The following GET1 variants were observed in gnomAD, a reference collection of about 807,000 sequenced individuals.
GET1 encodes guided entry of tail-anchored proteins factor 1.
In GET1, 20 loss-of-function variants were observed where a neutral mutation model predicts 22.6. That is an observed-to-expected ratio of 0.89 (90% CI 0.62 to 1.29). GET1 has a LOEUF of 1.29. Ranked by LOEUF, GET1 falls within the 50% of genes most tolerant of loss-of-function variation. The pLI is 0.00. For missense variants in GET1, 209 were observed against 219.9 expected (o/e 0.95, Z 0.31); for synonymous variants, 92 against 83.8 (o/e 1.10, Z -0.53).
At chr21:39,417,958 G>C (rs1341571735) in intron 1 of GET1, among the ~76,000 whole-genome samples, 1 of 152,048 alleles carries the variant, frequency 6.6e-6, no homozygotes, top group Non-Finnish European at 1.5e-5. Context: ...AGTAGAGATG[G>C]GGTTTCGCCG....
At chr21:39,387,686 CACA>C in intron 1 of GET1, 1 of 636,336 alleles carries the variant, frequency 1.6e-6, no homozygotes, top group Non-Finnish European at 1.9e-6. Context: ...CCCTACTCCC[CACA>C]CTCCCCCCCC....
chr21:39,410,719 C>T, downstream of GET1: 2 of 398,830 alleles, frequency 5.0e-6, no homozygotes, highest in Admixed American at 6.3e-5. Flanking sequence ...TCTTGATTAT[C>T]AGTGGTTAGA....
At chr21:39,398,634 A>G (rs2038760872), downstream of GET1, among the ~76,000 whole-genome samples, 1 of 129,380 alleles carries the variant, frequency 7.7e-6, no homozygotes, top group Non-Finnish European at 1.6e-5. Context: ...TTTTTTTGAG[A>G]TGGGAGTCTT....
intron 1 of GET1, chr21:39,381,019 GC>G: frequency 1.1e-6 from 1 of 904,172 alleles, no homozygotes; most frequent in Non-Finnish European, 1.3e-6. Flanking sequence ...CTCTCTTTCT[GC>G]CAGGTAGTGA....
chr21:39,381,047 T>A lies in GET1; in HGVS notation c.102+561T>A, dbSNP rs1168961335. 4.1e-5 allele frequency: 30 copies of A among 723,876 alleles called. No homozygotes were observed. In the East Asian group the frequency reaches 5.2e-4, roughly 13 times the overall value. The allele number at this position is 723,876 out of a possible 1,614,324, so 44.8% of individuals were successfully genotyped here. A position where few individuals can be genotyped will look rare whatever the true frequency, so the allele number is the denominator to read the frequency against. ...AGGTAGTGAGTACATTACCTCTGTC[T>A]CACGGCTGCTGGGAGAGGCGAGTAT... On this transcript the variant is annotated intron_variant, in intron 1 of 4. Coordinates refer to ENST00000649170, the MANE Select transcript of GET1 (RefSeq NM_004627.6).
chr21:39,404,785 C>T (rs1386020114), intron 4 of GET1, among the ~76,000 whole-genome samples: 1 of 140,318 alleles, frequency 7.1e-6, no homozygotes, highest in East Asian at 2.2e-4. Flanking sequence ...TTTCATGAAA[C>T]TAAGCTTGGT....
chr21:39,383,020 G>T (rs191218854), intron 1 of GET1, among the ~76,000 whole-genome samples: 1 of 148,792 alleles, frequency 6.7e-6, no homozygotes, highest in East Asian at 2.0e-4. Context: ...GCGCAGTCTC[G>T]GCTCACTGCA....
chr21:39,414,635 G>A (rs143041075), intron 1 of GET1, among the ~76,000 whole-genome samples: 50 of 151,834 alleles, frequency 3.3e-4, no homozygotes, highest in African/African-American at 1.1e-3. Context: ...CCTGACAAAT[G>A]CTGTGAGGCA....
chr21:39,416,644 C>T (rs1249343201), intron 1 of GET1, among the ~76,000 whole-genome samples: 1 of 149,640 alleles, frequency 6.7e-6, no homozygotes, highest in Non-Finnish European at 1.5e-5. Flanking sequence ...TTTTATTTGA[C>T]TCTATCTTAC....
At chr21:39,419,433 G>A (rs1303104787) in intron 1 of GET1, among the ~76,000 whole-genome samples, 3 of 150,182 alleles carry the variant, frequency 2.0e-5, no homozygotes, top group Non-Finnish European at 4.4e-5. Context: ...GCCGAGGTGG[G>A]AAGATCACTT....
intron 4 of GET1, among the ~76,000 whole-genome samples, 161 bp from the exon 5 acceptor site, chr21:39,396,701 AAAAG>A (rs1254272188): frequency 3.3e-5 from 5 of 151,982 alleles, no homozygotes; most frequent in Non-Finnish European, 7.4e-5. Flanking sequence ...AAAAAAAAAA[AAAAG>A]AAAGTGACAA....
exon 5 of GET1, chr21:39,406,353 C>T (rs200618900): frequency 2.1e-5 from 34 of 1,614,014 alleles, no homozygotes; most frequent in East Asian, 4.5e-5. Context: ...GGGGGCCTTT[C>T]GTGTAGGGAG....
At chr21:39,387,117 C>G (rs2037957478) in intron 1 of GET1, among the ~76,000 whole-genome samples, 1 of 152,196 alleles carries the variant, frequency 6.6e-6, no homozygotes. Flanking sequence ...GCGTCAGTCT[C>G]CGAAAGTGCT....
chr21:39,416,856 T>C (rs1351459820), intron 1 of GET1, among the ~76,000 whole-genome samples: 2 of 152,220 alleles, frequency 1.3e-5, no homozygotes, highest in Non-Finnish European at 2.9e-5. Context: ...TCACTGGCCA[T>C]ATGCAATGAC....
At chr21:39,387,671 ACCCCCCCTACTCCCCACACTCCC>A in intron 1 of GET1, 1 of 74,150 alleles carries the variant, frequency 1.3e-5, no homozygotes, top group Non-Finnish European at 2.8e-5. Context: ...AGACCCCTCC[ACCCCCCCTACTCCCCACACTCCC>A]CCCCCCCACT....
At chr21:39,406,120 C>A in exon 5 of GET1, 1 of 1,614,244 alleles carries the variant, frequency 6.2e-7, no homozygotes, top group South Asian at 1.1e-5. Context: ...TTTCTTATCT[C>A]TGAAAGTTGT....
intron 2 of GET1, chr21:39,391,412 G>A (rs947263293): frequency 3.5e-5 from 10 of 282,624 alleles, no homozygotes; most frequent in South Asian, 3.0e-4. Flanking sequence ...GGACAAGCTG[G>A]ACTCCCACCA....
At chr21:39,380,871 T>G in intron 1 of GET1, 3 of 972,598 alleles carry the variant, frequency 3.1e-6, no homozygotes, top group Non-Finnish European at 2.4e-6. Context: ...AGTCAGCTGT[T>G]CCAGGTCCCG....
intron 1 of GET1, among the ~76,000 whole-genome samples, chr21:39,413,134 C>T (rs1478460811): frequency 1.3e-5 from 2 of 152,168 alleles, no homozygotes; most frequent in Non-Finnish European, 2.9e-5. Flanking sequence ...ACACATCAGA[C>T]AGGGTCCTGG....
Sources: allele counts gnomAD v4.1 joint callset (sites outside exome capture counted in the v4.1 genomes callset), GRCh38; gene constraint gnomAD v4.1.1; transcripts MANE v1.5; gene names NCBI Gene and HGNC (gene_info 2026-07-23, HGNC 2026-07-21).